The following PRH1 variants were observed in gnomAD, a reference collection of about 807,000 sequenced individuals.
PRH1 encodes the protein proline rich protein HaeIII subfamily 1, also known as salivary acidic proline-rich phosphoprotein 1/2.
A neutral mutation model predicts 7.9 loss-of-function variants in PRH1; 7 were observed. The ratio of observed to expected loss-of-function variants is 0.89; its 90% CI spans 0.50 to 1.67. The LOEUF (loss-of-function observed/expected upper bound fraction) is 1.67, where lower values mean the gene tolerates loss of function less well. PRH1 is among the 40% of genes most tolerant of loss of function. The probability of loss-of-function intolerance (pLI) is 0.00; values close to 1 mark genes in which losing one functional copy is unlikely to be tolerated. For synonymous variants in PRH1, 45 were observed against 80.8 expected (o/e 0.56, Z 2.38); for missense variants, 109 against 223.6 (o/e 0.49, Z 3.27).
chr12:11,146,373 C>A (rs1233147661), intron 1 of PRH1, among the ~76,000 whole-genome samples: 1 of 151,994 alleles, frequency 6.6e-6, no homozygotes, highest in Non-Finnish European at 1.5e-5. Context: ...TACATGTATA[C>A]CTGAATTTGG....
chr12:11,117,450 T>C (rs1205914913), downstream of PRH1, among the ~76,000 whole-genome samples: 3 of 152,166 alleles, frequency 2.0e-5, no homozygotes, highest in Non-Finnish European at 2.9e-5. Context: ...TCCATGTTCA[T>C]GGATTAGAAG....
At chr12:10,998,850 G>C (rs1032519335) in intron 1 of PRH1, among the ~76,000 whole-genome samples, 128 of 152,186 alleles carry the variant, frequency 8.4e-4, no homozygotes, top group Admixed American at 5.2e-4. Context: ...AATTTGCTTT[G>C]ATGAACAGAA....
intron 1 of PRH1, among the ~76,000 whole-genome samples, chr12:11,153,566 T>A (rs1302400083): frequency 2.0e-5 from 3 of 152,122 alleles, no homozygotes; most frequent in African/African-American, 7.2e-5. Flanking sequence ...CTTCCTCCCC[T>A]CGCTGAGAAG....
chr12:11,071,880 CCCTTA>C (rs1944086692), intron 1 of PRH1, among the ~76,000 whole-genome samples: 1 of 152,168 alleles, frequency 6.6e-6, no homozygotes, highest in Admixed American at 6.5e-5. Context: ...TCAATAACCC[CCCTTA>C]CCTTATAAAA....
chr12:11,075,135 T>C (rs11531978), intron 1 of PRH1, among the ~76,000 whole-genome samples: 29,875 of 99,930 alleles, frequency 0.3, 5,986 homozygotes, highest in Non-Finnish European at 0.39. Flanking sequence ...ATACATTCAG[T>C]TGCATCACTT....
chr12:11,045,531 C>A (rs1942872620), intron 1 of PRH1, among the ~76,000 whole-genome samples: 1 of 151,958 alleles, frequency 6.6e-6, no homozygotes, highest in Non-Finnish European at 1.5e-5. Flanking sequence ...ATCTCATGTA[C>A]CCAATAAATG....
At chr12:11,163,192 T>A (rs377444112) in intron 1 of PRH1, among the ~76,000 whole-genome samples, 1 of 151,630 alleles carries the variant, frequency 6.6e-6, no homozygotes, top group Non-Finnish European at 1.5e-5. Context: ...TAAAAGCAAT[T>A]AAAAAAGGAA....
chr12:11,040,488 T>C (rs181659288), intron 1 of PRH1, among the ~76,000 whole-genome samples: 5 of 152,172 alleles, frequency 3.3e-5, no homozygotes, highest in Non-Finnish European at 5.9e-5. Context: ...CACCACATGT[T>C]ATCACTCATA....
intron 1 of PRH1, among the ~76,000 whole-genome samples, chr12:11,109,211 C>A (rs1386038103): frequency 3.9e-5 from 6 of 152,176 alleles, no homozygotes; most frequent in African/African-American, 1.4e-4. Flanking sequence ...TGGGACAGAG[C>A]ACCTGGGAGA....
At position 11,087,431 on chromosome 12, in the gene PRH1, G is replaced by A. The variant is rs1190640370; in HGVS notation, n.124-40243C>T. On this transcript the variant is annotated intron_variant and non_coding_transcript_variant, in intron 1 of 4. Transcript: ENST00000541977. Reference sequence around the variant, plus strand: ...TTCTGAAGGTCAGATGCTACCTAGAGCTTTGGCTCATGTCCATCCCAAGGT... The same window carrying A: ...TTCTGAAGGTCAGATGCTACCTAGAACTTTGGCTCATGTCCATCCCAAGGT... Among the ~76,000 whole-genome samples the A allele has an allele frequency of 4.3e-5, 5 of 116,722 alleles. 1 individual carries two copies. Among genetic ancestry groups the A allele is most frequent in the African/African-American group, 1.4e-4 (5 of 34,792 alleles). 76.6% of individuals were successfully genotyped at this position (116,722 alleles called of 152,430 possible). A position where few individuals can be genotyped will look rare whatever the true frequency, so the allele number is the denominator to read the frequency against.
chr12:10,920,254 T>C (rs967153039), intron 2 of PRH1, among the ~76,000 whole-genome samples: 7 of 152,100 alleles, frequency 4.6e-5, no homozygotes, highest in Non-Finnish European at 1.0e-4. Context: ...TCAAGAATTG[T>C]CTGAATTATT....
intron 1 of PRH1, chr12:10,996,584 A>T (rs1940248790): frequency 6.2e-6 from 1 of 161,426 alleles, no homozygotes; most frequent in African/African-American, 2.4e-5. Context: ...ATAAATAGAG[A>T]TCATAAATTC....
intron 1 of PRH1, among the ~76,000 whole-genome samples, chr12:11,069,118 AT>A (rs1943951122): frequency 3.5e-5 from 1 of 28,530 alleles, no homozygotes. Context: ...GGGTTTCACC[AT>A]GTTTCCTAGG....
At chr12:10,976,306 C>A (rs1316099253) in intron 1 of PRH1, among the ~76,000 whole-genome samples, 1 of 152,080 alleles carries the variant, frequency 6.6e-6, no homozygotes, top group Non-Finnish European at 1.5e-5. Context: ...ATTAAACAAC[C>A]CTCTCCTGAA....
At chr12:10,986,767 A>C (rs1378649464) in intron 1 of PRH1, 3 of 1,610,000 alleles carry the variant, frequency 1.9e-6, no homozygotes, top group Non-Finnish European at 2.5e-6. Context: ...CAGTCAATGA[A>C]ATTTACCAGT....
intron 2 of PRH1, among the ~76,000 whole-genome samples, chr12:10,929,846 A>G (rs1474952713): frequency 6.6e-6 from 1 of 152,204 alleles, no homozygotes; most frequent in Non-Finnish European, 1.5e-5. Context: ...TGCATGTAGT[A>G]TTTTAATGTG....
At chr12:11,007,930 C>T (rs1292505697) in intron 1 of PRH1, among the ~76,000 whole-genome samples, 1 of 152,024 alleles carries the variant, frequency 6.6e-6, no homozygotes, top group Non-Finnish European at 1.5e-5. Context: ...ATATAAATAT[C>T]TAATGTAGTT....
chr12:11,058,561 A>C (rs895737393), intron 1 of PRH1, among the ~76,000 whole-genome samples: 1 of 152,284 alleles, frequency 6.6e-6, no homozygotes, highest in Non-Finnish European at 1.5e-5. Context: ...TCATTAATGA[A>C]GTTTCTATAG....
At chr12:11,021,972 A>G (rs757931642) in intron 1 of PRH1, 6 of 1,614,154 alleles carry the variant, frequency 3.7e-6, no homozygotes, top group Non-Finnish European at 5.1e-6. Flanking sequence ...TACAAAGAGA[A>G]CAGATTAACA....
Sources: gnomAD v4.1 joint callset for allele counts (sites outside exome capture counted in the v4.1 genomes callset) on GRCh38, gnomAD v4.1.1 for gene constraint, MANE v1.5 for transcripts, NCBI Gene and HGNC (gene_info 2026-07-23, HGNC 2026-07-21) for gene names.